SH3PXD2A: variants seen among roughly 807,000 people sequenced by gnomAD.
SH3PXD2A encodes the protein SH3 and PX domain-containing protein 2A.
Under a neutral mutation model 115.2 loss-of-function variants are expected in SH3PXD2A, and 32 were observed. That is an observed-to-expected ratio of 0.28 (90% CI 0.21 to 0.37). SH3PXD2A has a LOEUF of 0.37. Among genes scored for constraint, SH3PXD2A ranks in the 10% least tolerant of loss-of-function variants. The pLI is 1.00. For synonymous variants in SH3PXD2A, 610 were observed against 629.1 expected, an observed-to-expected ratio of 0.97 and a Z score of 0.45; for missense variants, 1,328 against 1,498.7, an observed-to-expected ratio of 0.89 and a Z score of 1.88.
At position 103,767,128 on chromosome 10, in the gene SH3PXD2A, C is replaced by T. The variant is rs943566522; in HGVS notation, c.195G>A (p.Lys65=). 2.5e-6 allele frequency: 4 copies of T among 1,613,964 alleles called. No homozygotes were observed. The highest frequency in any genetic ancestry group is 1.3e-5 in the African/African-American group (1 of 74,940). ...AGGGGATGATCCTTTGCTTGGGGTC[C>T]TTCTGGCCACCTTCAATGGGAAACT... The part of the protein sequence containing the change: ...LDKFPIEGGQ[K]DPKQRIIPFL... The change falls in exon 3 of 15, where the codon AAG becomes AAA. Residue 65 remains lysine (K), a synonymous_variant. Transcript: ENST00000369774.
chr10:103,705,566 A>T (rs2037971079), intron 5 of SH3PXD2A, among the ~76,000 whole-genome samples: 1 of 152,136 alleles, frequency 6.6e-6, no homozygotes, highest in Non-Finnish European at 1.5e-5. Flanking sequence ...GAAATGGAGG[A>T]TCAGAGAGAG....
chr10:103,622,348 G>T, intron 10 of SH3PXD2A, 122 bp downstream of exon 10: 1 of 678,998 alleles, frequency 1.5e-6, no homozygotes, highest in Non-Finnish European at 2.5e-6. Flanking sequence ...AGAAAGCCTG[G>T]CCCGTGAATC....
chr10:103,809,935 C>T (rs904954169), intron 1 of SH3PXD2A, among the ~76,000 whole-genome samples: 8 of 152,020 alleles, frequency 5.3e-5, no homozygotes, highest in Non-Finnish European at 1.2e-4. Context: ...GTGATCCACC[C>T]GCCTCAGCCT....
chr10:103,728,864 T>A (rs905970091), intron 4 of SH3PXD2A, among the ~76,000 whole-genome samples: 4 of 150,750 alleles, frequency 2.7e-5, no homozygotes, highest in African/African-American at 9.8e-5. Context: ...AGCTAGTAAG[T>A]AGCAAAGAGT....
intron 3 of SH3PXD2A, chr10:103,754,220 G>C (rs2038613099): frequency 6.6e-6 from 1 of 151,934 alleles, no homozygotes; most frequent in Non-Finnish European, 1.5e-5. Flanking sequence ...AACCAATTTT[G>C]TTTAGAGACA....
chr10:103,706,913 G>A (rs1056311997), intron 5 of SH3PXD2A, among the ~76,000 whole-genome samples: 1 of 152,190 alleles, frequency 6.6e-6, no homozygotes, highest in Non-Finnish European at 1.5e-5. Flanking sequence ...TATTTATGAG[G>A]ACGGAATGGC....
At chr10:103,794,900 C>A (rs932208525) in intron 2 of SH3PXD2A, among the ~76,000 whole-genome samples, 1 of 152,192 alleles carries the variant, frequency 6.6e-6, no homozygotes, top group African/African-American at 2.4e-5. Context: ...CTGAAAAGCC[C>A]TAAGGATGGG....
intron 1 of SH3PXD2A, among the ~76,000 whole-genome samples, chr10:103,824,376 C>T (rs1193843502): frequency 6.6e-6 from 1 of 152,230 alleles, no homozygotes; most frequent in Non-Finnish European, 1.5e-5. Context: ...AATGCTGAAG[C>T]AGTCCCGAAC....
In SH3PXD2A at chr10:103,600,101, T is replaced by C. The variant is rs565145743; in HGVS notation, c.*1715A>G. On this transcript the variant is annotated 3_prime_UTR_variant, in exon 15 of 15. Coordinates refer to ENST00000369774, the MANE Select transcript of SH3PXD2A (RefSeq NM_001394015.1). ...GGGTGAGGGAGGGCCTTTCCTCCTC[T>C]ATAGAAAACACCAACCCCCAGTCCA... The C allele has an allele frequency of 6.5e-6, 1 of 152,706 alleles. No homozygotes were observed. Among genetic ancestry groups the C allele is most frequent in the South Asian group, 2.1e-4 (1 of 4,816 alleles). 9.5% of individuals were successfully genotyped at this position (152,706 alleles called of 1,614,324 possible).
intron 5 of SH3PXD2A, among the ~76,000 whole-genome samples, chr10:103,719,717 C>CTTTTTTTTTTTTT (rs2038155760): frequency 1.7e-5 from 2 of 117,586 alleles, no homozygotes; most frequent in South Asian, 2.5e-4. Context: ...TTTTTTTTTT[C>CTTTTTTTTTTTTT]TTTCTTTTTT....
intron 2 of SH3PXD2A, among the ~76,000 whole-genome samples, chr10:103,783,580 T>C (rs944430309): frequency 2.6e-5 from 4 of 152,192 alleles, no homozygotes; most frequent in Non-Finnish European, 5.9e-5. Flanking sequence ...TAGATGCACA[T>C]AGCAGCTGAC....
intron 5 of SH3PXD2A, among the ~76,000 whole-genome samples, chr10:103,709,471 G>A (rs2038021785): frequency 6.6e-6 from 1 of 152,210 alleles, no homozygotes; most frequent in African/African-American, 2.4e-5. Flanking sequence ...AGGATGGAAG[G>A]AGAGGCTGCT....
chr10:103,719,943 G>C (rs2038161730), intron 5 of SH3PXD2A, among the ~76,000 whole-genome samples: 1 of 152,122 alleles, frequency 6.6e-6, no homozygotes, highest in Admixed American at 6.5e-5. Context: ...TGATTTCAAA[G>C]TCCTGACCTC....
chr10:103,704,301 GA>G (rs981376957), intron 5 of SH3PXD2A, among the ~76,000 whole-genome samples: 5 of 152,192 alleles, frequency 3.3e-5, no homozygotes, highest in Non-Finnish European at 4.4e-5. Flanking sequence ...AAGAAGCAGG[GA>G]CACGGGCCTG....
chr10:103,697,605 C>A (rs1409851629), intron 5 of SH3PXD2A, among the ~76,000 whole-genome samples: 1 of 152,192 alleles, frequency 6.6e-6, no homozygotes, highest in Non-Finnish European at 1.5e-5. Flanking sequence ...CCTCTGGACC[C>A]CTCTATTAGG....
In SH3PXD2A at chr10:103,801,366, TG is replaced by T. The variant is rs762304626; in HGVS notation, c.73-5del. On this transcript the variant is annotated splice_region_variant and splice_polypyrimidine_tract_variant and intron_variant, in intron 1 of 14. Transcript: ENST00000369774. ...AGGTCACATTGATTATGTATACCTGTGGGAAAAAGGTAAGAGCAGGTGAGCA... is the reference window on the plus strand; with the variant it reads ...AGGTCACATTGATTATGTATACCTGTGGAAAAAGGTAAGAGCAGGTGAGCA... The T allele has an allele frequency of 1.9e-6, 3 of 1,595,000 alleles. No individual in the cohort carries two copies. Among genetic ancestry groups the T allele is most frequent in the Non-Finnish European group, 2.6e-6 (3 of 1,162,864 alleles).
Position 103,724,277 on chromosome 10 carries a change from G to A in SH3PXD2A, c.391C>T (p.Pro131Ser). The change falls in exon 5 of 15, where the codon CCA becomes TCA. Residue 131 changes from proline (P) to serine (S), a missense_variant. By Grantham distance (74) the Pro-to-Ser change is moderately conservative (BLOSUM62 -1). Transcript: ENST00000369774. ...GCCTGAGCTATTACTTACTCTTTTGGAGGGTTGACATCCTCGGGTCGAGCC... is the reference window on the plus strand; with the variant it reads ...GCCTGAGCTATTACTTACTCTTTTGAAGGGTTGACATCCTCGGGTCGAGCC... ...FEARPEDVNPPKEDYGSSKRK... is the reference protein window; with the variant it reads ...FEARPEDVNPSKEDYGSSKRK... 1 of 1,564,994 alleles carries A rather than the reference G, an allele frequency of 6.4e-7. No homozygotes were observed. The highest frequency in any genetic ancestry group is 1.2e-5 in the South Asian group (1 of 84,700).
At chr10:103,852,253 G>A (rs890609659) in intron 1 of SH3PXD2A, among the ~76,000 whole-genome samples, 13 of 152,376 alleles carry the variant, frequency 8.5e-5, no homozygotes, top group African/African-American at 3.1e-4. Context: ...CATGATGGAA[G>A]CTACTTGCGT....
intron 1 of SH3PXD2A, among the ~76,000 whole-genome samples, chr10:103,854,239 T>C (rs1228501164): frequency 1.3e-5 from 2 of 152,230 alleles, no homozygotes; most frequent in Middle Eastern, 3.2e-3. Flanking sequence ...AGATTAATGC[T>C]TTGAGCACTG....
Sources: gnomAD v4.1 joint callset for allele counts (sites outside exome capture counted in the v4.1 genomes callset) on GRCh38, gnomAD v4.1.1 for gene constraint, MANE v1.5 for transcripts, NCBI Gene and HGNC (gene_info 2026-07-23, HGNC 2026-07-21) for gene names.